Variants in DCC observed in about 807,000 individuals in gnomAD.
The protein encoded by DCC is DCC netrin 1 receptor, also known as netrin receptor DCC.
In DCC, 58 loss-of-function variants were observed where a neutral mutation model predicts 172.5. The ratio of observed to expected loss-of-function variants is 0.34; its 90% confidence interval spans 0.27 to 0.42. The LOEUF (loss-of-function observed/expected upper bound fraction) is 0.42. Ranked by LOEUF, DCC falls within the 10% of genes least tolerant of loss-of-function variation. The pLI is 1.00. For synonymous variants in DCC, 709 were observed against 644.5 expected (o/e 1.10, Z -1.52); for missense variants, 1,740 against 1,791.0 (o/e 0.97, Z 0.51).
At chr18:52,996,093 G>T (rs1457900794) in intron 5 of DCC, among the ~76,000 whole-genome samples, 1 of 152,002 alleles carries the variant, frequency 6.6e-6, no homozygotes, top group Non-Finnish European at 1.5e-5. Context: ...CAGGGAGATG[G>T]ACAAGAAGAC....
chr18:53,137,658 C>A (rs56817667), intron 7 of DCC, among the ~76,000 whole-genome samples: 1 of 152,058 alleles, frequency 6.6e-6, no homozygotes, highest in African/African-American at 2.4e-5. Flanking sequence ...TGGCTTGGGC[C>A]ACTTTAGTGC....
At chr18:52,642,020 A>G (rs191871260) in intron 1 of DCC, among the ~76,000 whole-genome samples, 17,285 of 39,484 alleles carry the variant, frequency 0.44, 1,419 homozygotes, top group South Asian at 0.55. Flanking sequence ...GTGTGTATAT[A>G]TATATATATA....
At chr18:52,803,219 A>T (rs1448725595) in intron 2 of DCC, among the ~76,000 whole-genome samples, 2 of 152,214 alleles carry the variant, frequency 1.3e-5, no homozygotes, top group Non-Finnish European at 2.9e-5. Context: ...TGCACTAAAC[A>T]CTATGAAAAA....
intron 2 of DCC, among the ~76,000 whole-genome samples, chr18:52,806,626 A>T (rs1173079675): frequency 6.6e-6 from 1 of 152,202 alleles, no homozygotes; most frequent in African/African-American, 2.4e-5. Flanking sequence ...CATTAAAAGA[A>T]AGGAGAGGAA....
intron 1 of DCC, among the ~76,000 whole-genome samples, chr18:52,663,744 A>G (rs1466658981): frequency 1.3e-5 from 2 of 152,226 alleles, no homozygotes; most frequent in African/African-American, 2.4e-5. Flanking sequence ...CGCTTTCCAT[A>G]GTAGAAAGTC....
chr18:52,441,441 T>G (rs1373178), intron 1 of DCC, among the ~76,000 whole-genome samples: 86,661 of 151,962 alleles, frequency 0.57, 24,879 homozygotes, highest in East Asian at 0.65. Context: ...TTGTTATTTA[T>G]TTTATTTTTA....
chr18:53,373,713 A>T (rs1193356730), intron 15 of DCC, among the ~76,000 whole-genome samples: 1 of 152,168 alleles, frequency 6.6e-6, no homozygotes, highest in African/African-American at 2.4e-5. Flanking sequence ...TATATACTCA[A>T]ATGCACAACA....
chr18:52,571,646 A>T (rs1197377792), intron 1 of DCC, among the ~76,000 whole-genome samples: 1 of 151,940 alleles, frequency 6.6e-6, no homozygotes, highest in Non-Finnish European at 1.5e-5. Flanking sequence ...CCTCATTACT[A>T]CCTTACCTTT....
chr18:52,942,422 G>A (rs1052511093), intron 5 of DCC, among the ~76,000 whole-genome samples: 1 of 152,046 alleles, frequency 6.6e-6, no homozygotes, highest in Non-Finnish European at 1.5e-5. Context: ...TTTTAGGTGT[G>A]TCTTTTAATA....
rs71175543 is a variant in DCC, at chr18:53,000,585, C to CTT, written c.986-62696_986-62695dup. 6.1e-4 allele frequency among the ~76,000 whole-genome samples: 60 copies of CTT among 99,044 alleles called. 1 individual carries two copies. The highest frequency in any genetic ancestry group is 1.2e-3 in the South Asian group (3 of 2,444). 65.0% of individuals were successfully genotyped at this position (99,044 alleles called of 152,430 possible). ...CATGTTTAGGATATCAGCTTACATT[C>CTT]TTTTTTTTTTTTTTTTTTTTTTTTT... is the stretch of plus-strand genomic sequence containing the variant. On this transcript the variant is annotated intron_variant, in intron 5 of 28. Transcript: ENST00000442544.
Position 53,051,610 on chromosome 18 carries a change from A to T in DCC, c.986-11695A>T, listed in dbSNP as rs191374742. ...TTCATAATTGACAAAGTGGATTTGT[A>T]TATAAAAGATTCTGTATAATATTCT... On this transcript the variant is annotated intron_variant, in intron 5 of 28. Transcript: ENST00000442544. Among the ~76,000 whole-genome samples, 453 of 152,250 alleles carry T rather than the reference A, an allele frequency of 3.0e-3. 5 individuals are homozygous for T. The highest frequency in any genetic ancestry group is 0.022 in the Admixed American group (333 of 15,276).
chr18:52,990,408 T>C (rs1223495672), intron 5 of DCC, among the ~76,000 whole-genome samples: 1 of 151,498 alleles, frequency 6.6e-6, no homozygotes, highest in Non-Finnish European at 1.5e-5. Context: ...GTTGTGGTGG[T>C]CCATGCCTGT....
intron 5 of DCC, among the ~76,000 whole-genome samples, chr18:52,969,535 C>G (rs527878980): frequency 6.0e-5 from 9 of 151,028 alleles, no homozygotes; most frequent in African/African-American, 2.2e-4. Flanking sequence ...ACTTACTTAT[C>G]TCAACCAGAT....
At chr18:52,971,412 G>A (rs1356918733) in intron 5 of DCC, among the ~76,000 whole-genome samples, 1 of 152,008 alleles carries the variant, frequency 6.6e-6, no homozygotes, top group Non-Finnish European at 1.5e-5. Context: ...GCATCAGAGT[G>A]GTATGAATAG....
chr18:52,415,390 A>C (rs1986986242), intron 1 of DCC, among the ~76,000 whole-genome samples: 1 of 152,192 alleles, frequency 6.6e-6, no homozygotes, highest in Non-Finnish European at 1.5e-5. Context: ...AGAAAATGAT[A>C]CATGAAGTAC....
chr18:53,144,881 G>T (rs1240284162), intron 7 of DCC, among the ~76,000 whole-genome samples: 3 of 152,074 alleles, frequency 2.0e-5, no homozygotes, highest in African/African-American at 7.2e-5. Flanking sequence ...CAGTTTGGAA[G>T]AAATTCAGGA....
chr18:52,886,892 A>G (rs2039578640), intron 2 of DCC, among the ~76,000 whole-genome samples: 1 of 151,958 alleles, frequency 6.6e-6, no homozygotes, highest in Non-Finnish European at 1.5e-5. Context: ...TTCCTTTAAA[A>G]ATTATTTTGC....
chr18:52,859,900 A>G (rs904606496), intron 2 of DCC, among the ~76,000 whole-genome samples: 1 of 152,226 alleles, frequency 6.6e-6, no homozygotes, highest in South Asian at 2.1e-4. Flanking sequence ...CTTAGATTAG[A>G]TAGGCAAAGG....
intron 27 of DCC, among the ~76,000 whole-genome samples, chr18:53,509,011 T>G (rs552043861): frequency 3.1e-4 from 47 of 152,292 alleles, no homozygotes; most frequent in African/African-American, 9.6e-4. Context: ...CTACCTGGCT[T>G]CTTCTCTCTC....
Sources: gnomAD v4.1 joint callset for allele counts (sites outside exome capture counted in the v4.1 genomes callset) on GRCh38, gnomAD v4.1.1 for gene constraint, MANE v1.5 for transcripts, NCBI Gene and HGNC (gene_info 2026-07-23, HGNC 2026-07-21) for gene names.